The following LNPK variants were observed in gnomAD, a reference collection of about 807,000 sequenced individuals.
The protein encoded by LNPK is lunapark, ER junction formation factor.
A neutral mutation model predicts 55.2 loss-of-function variants in LNPK; 29 were observed. That is an observed-to-expected ratio of 0.53 (90% CI 0.39 to 0.72). The LOEUF is 0.72. LNPK is among the 30% of genes least tolerant of loss of function. LNPK has a pLI of 0.00. For synonymous variants in LNPK, 162 were observed against 168.2 expected, an observed-to-expected ratio of 0.96 and a Z score of 0.29; for missense variants, 467 against 494.8, an observed-to-expected ratio of 0.94 and a Z score of 0.53.
At chr2:175,952,969 A>G (rs900772481) in intron 8 of LNPK, among the ~76,000 whole-genome samples, 20 of 152,138 alleles carry the variant, frequency 1.3e-4, no homozygotes, top group African/African-American at 4.8e-4. Flanking sequence ...TCCTATCCCC[A>G]GTTTTCAAAA....
chr2:175,943,723 T>C (rs1318630622), intron 9 of LNPK, among the ~76,000 whole-genome samples: 1 of 152,026 alleles, frequency 6.6e-6, no homozygotes, highest in Non-Finnish European at 1.5e-5. Flanking sequence ...ACACAATCTA[T>C]TACTGATTTA....
intron 2 of LNPK, among the ~76,000 whole-genome samples, chr2:175,994,916 T>A (rs1383505140): frequency 1.6e-4 from 1 of 6,074 alleles, no homozygotes; most frequent in African/African-American, 2.7e-4. Context: ...TGTATAGAAT[T>A]TTTTTTTTTT....
intron 5 of LNPK, 91 bp downstream of exon 5, chr2:175,979,719 T>C: frequency 9.0e-7 from 1 of 1,110,674 alleles, no homozygotes; most frequent in East Asian, 2.7e-5. Flanking sequence ...CACATTATCA[T>C]TCCAATATCA....
At position 175,929,784 on chromosome 2, in the gene LNPK, T is replaced by C; in HGVS notation, c.*183A>G. Reference sequence around the variant, plus strand: ...AAGGATCTTACTTCACTGATATAACTTGCTTTTAATTTTAATACCCAGTAT... The same window carrying C: ...AAGGATCTTACTTCACTGATATAACCTGCTTTTAATTTTAATACCCAGTAT... On this transcript the variant is annotated 3_prime_UTR_variant, in exon 13 of 13. Transcript: ENST00000272748. 3 of 1,425,532 alleles carry C rather than the reference T, an allele frequency of 2.1e-6. No homozygotes were observed. Among genetic ancestry groups the C allele is most frequent in the South Asian group, 3.2e-5 (2 of 63,186 alleles). The allele number at this position is 1,425,532 out of a possible 1,614,324, so 88.3% of individuals were successfully genotyped here. A position where few individuals can be genotyped will look rare whatever the true frequency, so the allele number is the denominator to read the frequency against.
intron 1 of LNPK, among the ~76,000 whole-genome samples, chr2:175,999,154 A>C (rs1336498699): frequency 6.6e-6 from 1 of 152,226 alleles, no homozygotes; most frequent in Non-Finnish European, 1.5e-5. Flanking sequence ...GTTTTACTGT[A>C]ATGCATATGT....
intron 6 of LNPK, among the ~76,000 whole-genome samples, chr2:175,969,282 T>C (rs1686537779): frequency 6.6e-6 from 1 of 152,222 alleles, no homozygotes; most frequent in Admixed American, 6.5e-5. Flanking sequence ...GCTATTGAAC[T>C]CAACTTTTTC....
At chr2:175,935,795 A>T in intron 12 of LNPK, 1 of 899,466 alleles carries the variant, frequency 1.1e-6, no homozygotes, top group East Asian at 1.2e-4. Flanking sequence ...CTCCTCCTAG[A>T]TTAGATGAGA....
intron 8 of LNPK, among the ~76,000 whole-genome samples, chr2:175,962,518 T>C (rs1686093750): frequency 6.6e-6 from 1 of 152,216 alleles, no homozygotes; most frequent in African/African-American, 2.4e-5. Context: ...AAGCTGAAAC[T>C]GCATCCCTTC....
chr2:175,953,651 G>A (rs901739652), intron 8 of LNPK, among the ~76,000 whole-genome samples: 3 of 149,490 alleles, frequency 2.0e-5, no homozygotes, highest in East Asian at 2.0e-4. Context: ...TTTCCCCAAC[G>A]CTATTGCTGT....
intron 9 of LNPK, among the ~76,000 whole-genome samples, chr2:175,942,665 C>T (rs1302870257): frequency 6.6e-6 from 1 of 151,560 alleles, no homozygotes. Flanking sequence ...TTATAATATG[C>T]AGCTAAAGCA....
intron 9 of LNPK, among the ~76,000 whole-genome samples, chr2:175,944,729 T>C (rs1559034405): frequency 6.6e-6 from 1 of 152,154 alleles, no homozygotes; most frequent in Non-Finnish European, 1.5e-5. Context: ...CTTTCAAGTA[T>C]TCAAGATGGC....
intron 5 of LNPK, among the ~76,000 whole-genome samples, chr2:175,972,873 C>G (rs1464263060): frequency 1.3e-5 from 2 of 152,174 alleles, no homozygotes; most frequent in Admixed American, 6.5e-5. Context: ...CAATCAAAGA[C>G]TGAAGCTCTT....
intron 4 of LNPK, among the ~76,000 whole-genome samples, chr2:175,986,860 C>CA (rs1687438764): frequency 6.7e-6 from 1 of 148,630 alleles, no homozygotes; most frequent in Non-Finnish European, 1.5e-5. Flanking sequence ...GAAGAATTCC[C>CA]AAAAAAACAC....
At chr2:175,965,205 G>T (rs192030879) in intron 6 of LNPK, among the ~76,000 whole-genome samples, 148 of 152,240 alleles carry the variant, frequency 9.7e-4, no homozygotes, top group Admixed American at 1.1e-3. Context: ...ACTGAGCACA[G>T]AATTTAAGCA....
At chr2:175,931,534 C>G (rs1375980250) in intron 12 of LNPK, among the ~76,000 whole-genome samples, 3 of 152,146 alleles carry the variant, frequency 2.0e-5, no homozygotes. Context: ...GTTATAACCA[C>G]CTTCCACCTT....
intron 4 of LNPK, among the ~76,000 whole-genome samples, chr2:175,981,569 T>C (rs1286502672): frequency 1.3e-5 from 2 of 152,064 alleles, no homozygotes; most frequent in African/African-American, 2.4e-5. Context: ...AAACATAGGC[T>C]TGCCAAAAAA....
chr2:175,934,006 G>A (rs1323847323), intron 12 of LNPK, among the ~76,000 whole-genome samples: 1 of 152,178 alleles, frequency 6.6e-6, no homozygotes, highest in Non-Finnish European at 1.5e-5. Flanking sequence ...GGGATTACAG[G>A]CGTGAGCCAC....
chr2:176,002,446 C>T (rs531690722), upstream of LNPK: 12 of 316,948 alleles, frequency 3.8e-5, no homozygotes, highest in African/African-American at 2.8e-4. Context: ...GCTTAGGCTG[C>T]TCGGTGTCGT....
intron 5 of LNPK, among the ~76,000 whole-genome samples, chr2:175,975,402 A>G (rs1434058219): frequency 7.9e-5 from 12 of 152,204 alleles, no homozygotes; most frequent in Non-Finnish European, 1.8e-4. Context: ...TTTCATATAT[A>G]GTAACATTTA....
Sources: allele counts gnomAD v4.1 joint callset (sites outside exome capture counted in the v4.1 genomes callset), GRCh38; gene constraint gnomAD v4.1.1; transcripts MANE v1.5; gene names NCBI Gene and HGNC (gene_info 2026-07-23, HGNC 2026-07-21).